GFRA1: variants seen among roughly 807,000 people sequenced by gnomAD.
The protein encoded by GFRA1 is GDNF family receptor alpha-1.
In GFRA1, 16 loss-of-function variants were observed where a neutral mutation model predicts 51.6. The ratio of observed to expected loss-of-function variants is 0.31; its 90% CI spans 0.21 to 0.47. GFRA1 has a LOEUF of 0.47. Among genes scored for constraint, GFRA1 ranks in the 20% least tolerant of loss-of-function variants. The probability of loss-of-function intolerance (pLI) is 1.00; values close to 1 mark genes in which losing one functional copy is unlikely to be tolerated. For missense variants in GFRA1, 530 were observed against 594.3 expected, an observed-to-expected ratio of 0.89 and a Z score of 1.13; for synonymous variants, 270 against 241.3, an observed-to-expected ratio of 1.12 and a Z score of -1.10.
chr10:116,192,712 G>C (rs1963382808), intron 5 of GFRA1, among the ~76,000 whole-genome samples: 1 of 152,106 alleles, frequency 6.6e-6, no homozygotes, highest in Non-Finnish European at 1.5e-5. Context: ...TTTCAGAAAA[G>C]CAAAGACAAT....
At chr10:116,118,927 A>G (rs1957537583) in intron 6 of GFRA1, among the ~76,000 whole-genome samples, 1 of 152,192 alleles carries the variant, frequency 6.6e-6, no homozygotes, top group African/African-American at 2.4e-5. Flanking sequence ...CTAGACAGGG[A>G]CAGGCTCCAG....
chr10:116,219,947 C>T (rs1166627744), intron 4 of GFRA1, among the ~76,000 whole-genome samples: 1 of 152,170 alleles, frequency 6.6e-6, no homozygotes, highest in Non-Finnish European at 1.5e-5. Flanking sequence ...GGATTCCGTT[C>T]TTCCATTTGC....
intron 4 of GFRA1, among the ~76,000 whole-genome samples, chr10:116,262,530 C>T (rs904287382): frequency 6.6e-6 from 1 of 151,994 alleles, no homozygotes; most frequent in South Asian, 2.1e-4. Flanking sequence ...CATGTATGTA[C>T]ATACACATCT....
chr10:116,230,860 A>T (rs1160647928), intron 4 of GFRA1, among the ~76,000 whole-genome samples: 1 of 152,204 alleles, frequency 6.6e-6, no homozygotes, highest in Non-Finnish European at 1.5e-5. Flanking sequence ...GAGAGGAGGA[A>T]CACTCAAAGT....
At chr10:116,247,646 CCTCTTT>C (rs1967973954) in intron 4 of GFRA1, among the ~76,000 whole-genome samples, 1 of 152,184 alleles carries the variant, frequency 6.6e-6, no homozygotes, top group Non-Finnish European at 1.5e-5. Context: ...CATCTCAAAG[CCTCTTT>C]CTGAGACTTC....
intron 4 of GFRA1, among the ~76,000 whole-genome samples, chr10:116,266,023 C>T (rs1314639775): frequency 1.3e-5 from 2 of 152,114 alleles, no homozygotes; most frequent in Non-Finnish European, 2.9e-5. Context: ...GAAAACAGGA[C>T]GGTTTTTAGA....
At chr10:116,145,148 C>CAAAAAAA (rs58509181) in intron 5 of GFRA1, among the ~76,000 whole-genome samples, 5 of 28,732 alleles carry the variant, frequency 1.7e-4, no homozygotes, top group Admixed American at 6.0e-4. Flanking sequence ...GACTCTGTCT[C>CAAAAAAA]AAAAAAAAAA....
At chr10:116,207,242 G>A (rs560911999) in intron 5 of GFRA1, among the ~76,000 whole-genome samples, 1 of 152,366 alleles carries the variant, frequency 6.6e-6, no homozygotes, top group African/African-American at 2.4e-5. Flanking sequence ...TCGCAACCCT[G>A]CTGGAGAAAC....
At chr10:116,084,940 TC>T (rs1956028507) in intron 9 of GFRA1, among the ~76,000 whole-genome samples, 1 of 150,816 alleles carries the variant, frequency 6.6e-6, no homozygotes, top group South Asian at 2.1e-4. Context: ...TATAAGTAAG[TC>T]GAAGGAATAG....
intron 9 of GFRA1, among the ~76,000 whole-genome samples, chr10:116,086,132 G>C (rs1021376398): frequency 3.3e-5 from 5 of 152,204 alleles, no homozygotes; most frequent in African/African-American, 1.2e-4. Flanking sequence ...TAAAAGGCAA[G>C]GATGTCTGCC....
chr10:116,254,821 G>A (rs984135022), intron 4 of GFRA1, among the ~76,000 whole-genome samples: 2 of 152,070 alleles, frequency 1.3e-5, no homozygotes, highest in Non-Finnish European at 2.9e-5. Context: ...TCAGAAAACC[G>A]CCACATGACC....
At chr10:116,198,991 G>A (rs1237386405) in intron 5 of GFRA1, among the ~76,000 whole-genome samples, 1 of 152,156 alleles carries the variant, frequency 6.6e-6, no homozygotes, top group African/African-American at 2.4e-5. Flanking sequence ...ATGTGATGAT[G>A]GAGGCAGAGA....
chr10:116,161,164 A>AG (rs1427432842), intron 5 of GFRA1, among the ~76,000 whole-genome samples: 1 of 152,152 alleles, frequency 6.6e-6, no homozygotes, highest in East Asian at 1.9e-4. Flanking sequence ...GATAGACAGG[A>AG]GGGGTAGGAC....
At chr10:116,180,236 A>C (rs1463101285) in intron 5 of GFRA1, among the ~76,000 whole-genome samples, 1 of 152,232 alleles carries the variant, frequency 6.6e-6, no homozygotes, top group Non-Finnish European at 1.5e-5. Context: ...CTCAATTTAC[A>C]ATATTGTAAT....
At chr10:116,080,289 AAAGAT>A (rs1297774880) in intron 9 of GFRA1, among the ~76,000 whole-genome samples, 1 of 152,190 alleles carries the variant, frequency 6.6e-6, no homozygotes, top group African/African-American at 2.4e-5. Context: ...TTGAGGCAGA[AAAGAT>A]AAGTAATTTG....
intron 5 of GFRA1, among the ~76,000 whole-genome samples, chr10:116,151,644 G>A (rs1959068629): frequency 1.3e-5 from 2 of 152,132 alleles, no homozygotes; most frequent in Non-Finnish European, 1.5e-5. Context: ...ATTTGCAAAT[G>A]ACATAGAACG....
intron 6 of GFRA1, among the ~76,000 whole-genome samples, chr10:116,097,862 A>C (rs1041282740): frequency 3.3e-5 from 5 of 152,186 alleles, no homozygotes; most frequent in Admixed American, 6.5e-5. Context: ...TTATGATATA[A>C]ACGAGTTTGG....
intron 9 of GFRA1, among the ~76,000 whole-genome samples, chr10:116,070,481 C>T (rs1462454698): frequency 6.6e-6 from 1 of 152,134 alleles, no homozygotes; most frequent in African/African-American, 2.4e-5. Flanking sequence ...ATTTTATGTT[C>T]CGTTGTAAGA....
intron 5 of GFRA1, among the ~76,000 whole-genome samples, chr10:116,163,391 A>G (rs935541258): frequency 6.6e-5 from 10 of 152,200 alleles, no homozygotes; most frequent in Admixed American, 4.6e-4. Flanking sequence ...TTTTGTTCTC[A>G]ACCCATTGAA....
Sources: gnomAD v4.1 joint callset for allele counts (sites outside exome capture counted in the v4.1 genomes callset) on GRCh38, gnomAD v4.1.1 for gene constraint, MANE v1.5 for transcripts, NCBI Gene and HGNC (gene_info 2026-07-23, HGNC 2026-07-21) for gene names.